The following MED12L variants were observed in gnomAD, a reference collection of about 807,000 sequenced individuals.
MED12L encodes the protein mediator of RNA polymerase II transcription subunit 12-like protein.
MED12L carries 60 observed loss-of-function variants against 281.3 expected under a neutral mutation model. That is an observed-to-expected ratio of 0.21 (90% confidence interval 0.17 to 0.26). MED12L has a LOEUF of 0.26. Ranked by LOEUF, MED12L falls within the 10% of genes least tolerant of loss-of-function variation. The pLI, the probability that MED12L is intolerant of heterozygous loss-of-function variation, is 1.00. For synonymous variants in MED12L, 974 were observed against 987.2 expected (o/e 0.99, Z 0.25); for missense variants, 2,146 against 2,680.9 (o/e 0.80, Z 4.41).
intron 16 of MED12L, among the ~76,000 whole-genome samples, chr3:151,251,415 G>A (rs1244170449): frequency 6.6e-6 from 1 of 151,838 alleles, no homozygotes; most frequent in East Asian, 1.9e-4. Context: ...TTTCTTGACT[G>A]TTATTCCCAC....
rs188028102 is a variant in MED12L, at chr3:151,363,104, T to C, written c.2958-1875T>C. The stretch of plus-strand genomic sequence containing the variant: ...CAAGTAACATGCGCTGGGCGTGGGG[T>C]GTGTGGAAATTTAGGGTACCAGCAC... On this transcript the variant is annotated intron_variant, in intron 21 of 44. Coordinates refer to ENST00000687756, the MANE Select transcript of MED12L (RefSeq NM_001393769.1). Among the ~76,000 whole-genome samples the C allele has an allele frequency of 2.0e-5, 3 of 151,980 alleles. No homozygotes were observed. The East Asian group carries it at 5.8e-4, about 29-fold the overall frequency.
intron 5 of MED12L, among the ~76,000 whole-genome samples, chr3:151,151,498 T>C (rs1327531356): frequency 6.6e-6 from 1 of 150,756 alleles, no homozygotes; most frequent in East Asian, 2.0e-4. Context: ...GATGTGCGAC[T>C]CTTCACTTGA....
chr3:151,394,254 G>A (rs1252608480), intron 38 of MED12L, among the ~76,000 whole-genome samples: 1 of 152,136 alleles, frequency 6.6e-6, no homozygotes, highest in Non-Finnish European at 1.5e-5. Flanking sequence ...TTGATGAAAA[G>A]TACAAAAGGA....
At chr3:151,319,866 C>T (rs892214771) in intron 16 of MED12L, among the ~76,000 whole-genome samples, 3 of 152,038 alleles carry the variant, frequency 2.0e-5, no homozygotes, top group South Asian at 2.1e-4. Context: ...TGAGGATTCC[C>T]GTAATCTTAC....
intron 16 of MED12L, among the ~76,000 whole-genome samples, chr3:151,339,272 A>T (rs901280093): frequency 6.6e-6 from 1 of 151,930 alleles, no homozygotes; most frequent in Non-Finnish European, 1.5e-5. Context: ...TTTCCCCCCA[A>T]CGTCCTTATT....
intron 9 of MED12L, 41 bp downstream of exon 9, chr3:151,164,083 C>A: frequency 6.2e-7 from 1 of 1,601,560 alleles, no homozygotes; most frequent in South Asian, 1.1e-5. Context: ...TGTTTTCATT[C>A]TTGACAGGCA....
intron 16 of MED12L, chr3:151,329,472 G>T (rs1207444210): frequency 1.3e-6 from 2 of 1,530,042 alleles, no homozygotes; most frequent in East Asian, 4.9e-5. Flanking sequence ...AACAAAAATT[G>T]AAATTCACCT....
intron 16 of MED12L, among the ~76,000 whole-genome samples, chr3:151,272,234 A>AAG (rs1474887268): frequency 5.9e-5 from 9 of 152,218 alleles, no homozygotes; most frequent in Non-Finnish European, 2.9e-5. Flanking sequence ...AAAGAGGTAA[A>AAG]TGTTTTTAGG....
chr3:151,240,719 T>C (rs142145302), intron 16 of MED12L, among the ~76,000 whole-genome samples: 32 of 152,380 alleles, frequency 2.1e-4, no homozygotes, highest in African/African-American at 7.5e-4. Flanking sequence ...GTTATGTAAA[T>C]ATCCAGTCAA....
At chr3:151,219,904 C>A (rs1213706007) in intron 16 of MED12L, among the ~76,000 whole-genome samples, 3 of 90,542 alleles carry the variant, frequency 3.3e-5, no homozygotes, top group Admixed American at 1.3e-4. Flanking sequence ...CCCCCCCCCC[C>A]CTTGGATATG....
At chr3:151,127,010 T>TA (rs771565246) in intron 4 of MED12L, among the ~76,000 whole-genome samples, 11 of 152,182 alleles carry the variant, frequency 7.2e-5, no homozygotes, top group Non-Finnish European at 1.5e-4. Context: ...GCATCGTGGC[T>TA]AATATAGTCT....
In MED12L at chr3:151,353,442, C is replaced by T. The variant is rs1444546593; in HGVS notation, c.2399-1679C>T. Reference sequence around the variant, plus strand: ...GCAGGTTTAATGAATTTGTTAGTTCCTAATCTTTGCATTATATTTGGTGTT... The same window carrying T: ...GCAGGTTTAATGAATTTGTTAGTTCTTAATCTTTGCATTATATTTGGTGTT... On this transcript the variant is annotated intron_variant, in intron 17 of 44. Coordinates refer to ENST00000687756, the MANE Select transcript of MED12L (RefSeq NM_001393769.1). 7.2e-5 allele frequency among the ~76,000 whole-genome samples: 11 copies of T among 152,258 alleles called. 1 individual carries two copies. The South Asian group carries it at 2.1e-3, about 29-fold the overall frequency.
chr3:151,413,899 C>T (rs959299555), intron 42 of MED12L, among the ~76,000 whole-genome samples: 2 of 149,886 alleles, frequency 1.3e-5, no homozygotes, highest in Non-Finnish European at 3.0e-5. Context: ...CCCCTTAAGA[C>T]GGAGTCTCCC....
At chr3:151,255,451 G>A (rs927438118) in intron 16 of MED12L, among the ~76,000 whole-genome samples, 1 of 152,012 alleles carries the variant, frequency 6.6e-6, no homozygotes, top group Non-Finnish European at 1.5e-5. Flanking sequence ...AGGCCAGGGG[G>A]AGGGGGCTGG....
chr3:151,404,834 G>A (rs1716100813), intron 39 of MED12L, among the ~76,000 whole-genome samples: 1 of 152,176 alleles, frequency 6.6e-6, no homozygotes, highest in Admixed American at 6.5e-5. Flanking sequence ...AAAATGCTCT[G>A]ATTATAATCC....
intron 16 of MED12L, among the ~76,000 whole-genome samples, chr3:151,236,478 TCTC>T (rs1325405538): frequency 1.3e-5 from 2 of 152,198 alleles, no homozygotes; most frequent in Non-Finnish European, 2.9e-5. Flanking sequence ...ATGTTAATAA[TCTC>T]CTTCAGACTC....
In MED12L at chr3:151,222,763, G is replaced by A. The variant is rs76243871; in HGVS notation, c.2250+29097G>A. On this transcript the variant is annotated intron_variant, in intron 16 of 44. Transcript: ENST00000687756. ...GGTCCATGTACCACTCTTTGAGTTA[G>A]CATCATTTTTTTCCCCCAGATCCTG... Among the ~76,000 whole-genome samples the A allele has an allele frequency of 5.8e-3, 890 of 152,278 alleles. 11 individuals carry two copies. Among genetic ancestry groups the A allele is most frequent in the African/African-American group, 0.021 (852 of 41,556 alleles).
chr3:151,224,728 C>T (rs1730140361), intron 16 of MED12L, among the ~76,000 whole-genome samples: 1 of 152,302 alleles, frequency 6.6e-6, no homozygotes, highest in Non-Finnish European at 1.5e-5. Flanking sequence ...CACCACACTT[C>T]TCAGAAGCTG....
At chr3:151,127,785 T>G (rs1171949669) in intron 4 of MED12L, 40 bp from the exon 5 acceptor site, 3 of 1,443,394 alleles carry the variant, frequency 2.1e-6, no homozygotes, top group Non-Finnish European at 2.9e-6. Flanking sequence ...ATGAACACAG[T>G]ACGTGATTAT....
Sources: gnomAD v4.1 joint callset for allele counts (sites outside exome capture counted in the v4.1 genomes callset) on GRCh38, gnomAD v4.1.1 for gene constraint, MANE v1.5 for transcripts, NCBI Gene and HGNC (gene_info 2026-07-23, HGNC 2026-07-21) for gene names.